Variants in GRB10 observed in about 807,000 individuals in gnomAD.
GRB10 encodes growth factor receptor-bound protein 10.
GRB10 carries 20 observed loss-of-function variants against 80.9 expected under a neutral mutation model. The observed-to-expected ratio is 0.25, with a 90% CI of 0.17 to 0.36. GRB10 has a LOEUF of 0.36. Ranked by LOEUF, GRB10 falls within the 10% of genes least tolerant of loss-of-function variation. The pLI is 1.00. For missense variants in GRB10, 548 were observed against 747.7 expected (o/e 0.73, Z 3.12); for synonymous variants, 291 against 291.5 (o/e 1.00, Z 0.02).
chr7:50,623,420 G>A (rs1165091340), intron 8 of GRB10, among the ~76,000 whole-genome samples: 3 of 152,240 alleles, frequency 2.0e-5, no homozygotes, highest in East Asian at 1.9e-4. Context: ...CTAACGCTGG[G>A]AAGGGCCACC....
intron 7 of GRB10, among the ~76,000 whole-genome samples, chr7:50,655,591 C>A (rs566838887): frequency 2.0e-5 from 3 of 152,206 alleles, no homozygotes; most frequent in South Asian, 4.1e-4. Flanking sequence ...CCAGATAACA[C>A]GTCAGCATCT....
chr7:50,663,692 T>C (rs1391706207), intron 7 of GRB10, among the ~76,000 whole-genome samples: 1 of 152,246 alleles, frequency 6.6e-6, no homozygotes, highest in Non-Finnish European at 1.5e-5. Flanking sequence ...GTGATACTTT[T>C]GTAGCTGCAT....
chr7:50,623,313 A>C (rs2052227452), intron 8 of GRB10, among the ~76,000 whole-genome samples: 1 of 152,224 alleles, frequency 6.6e-6, no homozygotes, highest in Non-Finnish European at 1.5e-5. Flanking sequence ...ACTGGGAATC[A>C]TAAAACAGAC....
At chr7:50,614,184 GT>G (rs1563158885) in intron 12 of GRB10, among the ~76,000 whole-genome samples, 1 of 152,206 alleles carries the variant, frequency 6.6e-6, no homozygotes, top group African/African-American at 2.4e-5. Context: ...TAATGTATGT[GT>G]ATGCACAAAG....
chr7:50,728,237 A>C (rs1189169335), intron 4 of GRB10, among the ~76,000 whole-genome samples: 1 of 152,104 alleles, frequency 6.6e-6, no homozygotes, highest in African/African-American at 2.4e-5. Context: ...TAGTACTTAA[A>C]AATGAAAAAC....
At chr7:50,595,068 C>G (rs961049590) in intron 18 of GRB10, among the ~76,000 whole-genome samples, 1 of 152,074 alleles carries the variant, frequency 6.6e-6, no homozygotes, top group Non-Finnish European at 1.5e-5. Flanking sequence ...TTCTCCTCCA[C>G]CTCCCCTTCC....
intron 7 of GRB10, among the ~76,000 whole-genome samples, chr7:50,656,675 C>T (rs1357534336): frequency 6.6e-6 from 1 of 152,234 alleles, no homozygotes; most frequent in Admixed American, 6.5e-5. Flanking sequence ...CTGGGGAAGG[C>T]AGGCTTCCAA....
intron 3 of GRB10, among the ~76,000 whole-genome samples, chr7:50,732,740 A>G (rs150092721): frequency 6.6e-6 from 1 of 152,290 alleles, no homozygotes; most frequent in East Asian, 1.9e-4. Flanking sequence ...GCAAATAGGG[A>G]TTCAGACAAA....
At chr7:50,746,959 A>C (rs563860052) in intron 3 of GRB10, among the ~76,000 whole-genome samples, 1 of 152,270 alleles carries the variant, frequency 6.6e-6, no homozygotes. Context: ...AAGCAAAGTG[A>C]CATTTCTCTT....
chr7:50,618,196 T>A, intron 9 of GRB10, 57 bp from the exon 10 acceptor site: 3 of 1,248,916 alleles, frequency 2.4e-6, no homozygotes, highest in Non-Finnish European at 3.5e-6. Context: ...TGAGGGAAGG[T>A]ATGTCATATA....
rs1250766580 is a variant in GRB10 at position 50,592,051 on chromosome 7, A to G, written c.*901T>C. The G allele has an allele frequency of 6.6e-6, 1 of 152,254 alleles. No individual in the cohort carries two copies. The highest frequency in any genetic ancestry group is 2.4e-5 in the African/African-American group (1 of 41,460). 9.4% of individuals were successfully genotyped at this position (152,254 alleles called of 1,614,324 possible). A position where few individuals can be genotyped will look rare whatever the true frequency, so the allele number is the denominator to read the frequency against. ...ACGCAAGGCTGAAGTACCCAGGTGG[A>G]TTATGCAGCATCCACCGCTGGCCGA... On this transcript the variant is annotated 3_prime_UTR_variant, in exon 19 of 19. Transcript: ENST00000401949.
chr7:50,728,400 AT>A (rs914848597), intron 4 of GRB10, among the ~76,000 whole-genome samples: 18 of 152,166 alleles, frequency 1.2e-4, no homozygotes, highest in African/African-American at 4.3e-4. Context: ...AGATTAAGGA[AT>A]CTAGGGCACC....
chr7:50,595,602 T>TACACACACAC (rs59746858), intron 17 of GRB10, 72 bp from the exon 18 acceptor site: 62,642 of 554,064 alleles, frequency 0.11, 2,275 homozygotes, highest in East Asian at 0.21. Flanking sequence ...CACACTCTCT[T>TACACACACAC]ACACACACAC....
At chr7:50,780,208 T>C (rs1330864064) in intron 2 of GRB10, among the ~76,000 whole-genome samples, 1 of 152,184 alleles carries the variant, frequency 6.6e-6, no homozygotes, top group Non-Finnish European at 1.5e-5. Flanking sequence ...ACTTTGTGGA[T>C]CATGCCCAGC....
chr7:50,596,140 G>A (rs1423775608), intron 17 of GRB10, among the ~76,000 whole-genome samples: 1 of 152,178 alleles, frequency 6.6e-6, no homozygotes, highest in Non-Finnish European at 1.5e-5. Flanking sequence ...TTCAACAAAT[G>A]CTGAAACCAG....
chr7:50,636,477 C>T (rs1326492735), intron 7 of GRB10, among the ~76,000 whole-genome samples: 2 of 152,052 alleles, frequency 1.3e-5, no homozygotes, highest in Non-Finnish European at 2.9e-5. Flanking sequence ...ATGCAAAAAT[C>T]CTCAACAAAA....
intron 12 of GRB10, among the ~76,000 whole-genome samples, chr7:50,614,491 C>T (rs1306612168): frequency 6.6e-6 from 1 of 152,212 alleles, no homozygotes; most frequent in East Asian, 1.9e-4. Context: ...GCTACAGCCA[C>T]AGCCCACCCT....
At chr7:50,790,881 A>C (rs959093797) in intron 1 of GRB10, among the ~76,000 whole-genome samples, 4 of 152,238 alleles carry the variant, frequency 2.6e-5, no homozygotes, top group Admixed American at 2.0e-4. Flanking sequence ...CTGTACCCGG[A>C]AAGATCACCA....
At chr7:50,606,476 A>G in intron 13 of GRB10, 62 bp from the exon 14 acceptor site, 1 of 1,178,844 alleles carries the variant, frequency 8.5e-7, no homozygotes, top group Non-Finnish European at 1.3e-6. Flanking sequence ...GCATGTGACA[A>G]ACGCCACAGC....
Sources: allele counts gnomAD v4.1 joint callset (sites outside exome capture counted in the v4.1 genomes callset), GRCh38; gene constraint gnomAD v4.1.1; transcripts MANE v1.5; gene names NCBI Gene and HGNC (gene_info 2026-07-23, HGNC 2026-07-21).